Variants in GSDMD observed in about 807,000 individuals in gnomAD.
GSDMD encodes gasdermin-D.
A neutral mutation model predicts 46.7 loss-of-function variants in GSDMD; 46 were observed. That is an observed-to-expected ratio of 0.99 (90% CI 0.78 to 1.26). The LOEUF is 1.26. GSDMD is among the 50% of genes most tolerant of loss of function. GSDMD has a pLI of 0.00. For synonymous variants in GSDMD, 307 were observed against 283.1 expected, an observed-to-expected ratio of 1.08 and a Z score of -0.85; for missense variants, 649 against 638.8, an observed-to-expected ratio of 1.02 and a Z score of -0.17.
chr8:143,562,151 C>A lies in GSDMD; in HGVS notation c.996+20C>A. 6.3e-7 allele frequency: 1 copy of A among 1,597,300 alleles called. No individual in the cohort carries two copies. Among genetic ancestry groups the A allele is most frequent in the Non-Finnish European group, 8.5e-7 (1 of 1,179,036 alleles). On this transcript the variant is annotated intron_variant, in intron 8 of 10. Coordinates refer to ENST00000262580, the MANE Select transcript of GSDMD (RefSeq NM_024736.7). ...GAGGCGGTGAGCGGGGGAGGGTGCC[C>A]GGGGCACACAAGGCCTGCCCAGCCA...
At chr8:143,562,405 C>T (rs772911987) in intron 9 of GSDMD, 43 bp from the exon 10 acceptor site, 15 of 1,565,014 alleles carry the variant, frequency 9.6e-6, no homozygotes, top group African/African-American at 1.4e-5. Context: ...TGGGCTTTCC[C>T]GGTGGGCGTT....
At chr8:143,561,653 G>A in intron 6 of GSDMD, 89 bp from the exon 7 acceptor site, 1 of 1,163,144 alleles carries the variant, frequency 8.6e-7, no homozygotes, top group Non-Finnish European at 1.2e-6. Flanking sequence ...GAGCGGGGCT[G>A]TGACGGCCTG....
upstream of GSDMD, among the ~76,000 whole-genome samples, chr8:143,556,403 G>T (rs542630414): frequency 6.6e-6 from 1 of 152,266 alleles, no homozygotes; most frequent in South Asian, 2.1e-4. Context: ...AACTTTGCCA[G>T]GTGTGGTGCT....
intron 9 of GSDMD, 42 bp from the exon 10 acceptor site, chr8:143,562,406 G>T (rs373436630): frequency 1.9e-6 from 3 of 1,568,272 alleles, no homozygotes; most frequent in South Asian, 1.2e-5. Flanking sequence ...GGGCTTTCCC[G>T]GTGGGCGTTC....
rs1823395624 is a variant in GSDMD at position 143,559,454 on chromosome 8, T to A, written c.119T>A (p.Val40Glu). The A allele has an allele frequency of 6.2e-7, 1 of 1,612,756 alleles. No homozygotes were observed. Among genetic ancestry groups the A allele is most frequent in the Non-Finnish European group, 8.5e-7 (1 of 1,179,986 alleles). ...SSTGFQPYCL[V>E]VRKPSSSWFW... ...ACTGGCTTCCAGCCCTACTGCCTGGTGGTTAGGAAGCCCTCAAGCTCATGG... is the reference window on the plus strand; with the variant it reads ...ACTGGCTTCCAGCCCTACTGCCTGGAGGTTAGGAAGCCCTCAAGCTCATGG... Residue 40 changes from valine to glutamate, a missense_variant, in exon 2 of 11, where the codon GTG becomes GAG. Val to Glu is a moderately radical substitution (Grantham distance 121). Transcript: ENST00000262580.
upstream of GSDMD, chr8:143,558,209 G>A (rs1479463091): frequency 1.1e-5 from 11 of 1,036,196 alleles, no homozygotes; most frequent in East Asian, 1.5e-4. Context: ...AGGATGGGGC[G>A]CCAAGCCAAG....
At chr8:143,562,560 A>G (rs1248198570) in intron 10 of GSDMD, 39 bp downstream of exon 10, 1 of 1,600,274 alleles carries the variant, frequency 6.2e-7, no homozygotes, top group Admixed American at 1.7e-5. Context: ...GGATGGGCTG[A>G]GCCAGTGGAA....
At position 143,558,423 on chromosome 8, in the gene GSDMD, G is replaced by A. The variant is rs1466705519; in HGVS notation, c.-33G>A. On this transcript the variant is annotated 5_prime_UTR_variant, in exon 1 of 11. Transcript: ENST00000262580. The stretch of plus-strand genomic sequence containing the variant: ...CCCAGGGAGAGCAGACGCGCCAGAC[G>A]CGCCACCCTCGGGGCGCCGACGGTC... The A allele has an allele frequency of 2.7e-5, 41 of 1,506,420 alleles. No individual in the cohort carries two copies. The East Asian group carries it at 2.7e-4, about 10-fold the overall frequency. 93.3% of individuals were successfully genotyped at this position (1,506,420 alleles called of 1,614,324 possible).
At chr8:143,561,713 C>CGGGGA in intron 6 of GSDMD, 29 bp from the exon 7 acceptor site, 1 of 1,569,876 alleles carries the variant, frequency 6.4e-7, no homozygotes. Flanking sequence ...CGGCACTGAC[C>CGGGGA]AGCCCTGCCC....
rs375513977 is a variant in GSDMD at position 143,561,351 on chromosome 8, G to A, written c.683-19G>A. ...CTAGGTGACATGCCTGTCCCTGTCTGCTCCCGTCTGGCTGCCAGACGTCCT... is the reference window on the plus strand; with the variant it reads ...CTAGGTGACATGCCTGTCCCTGTCTACTCCCGTCTGGCTGCCAGACGTCCT... On this transcript the variant is annotated intron_variant, in intron 5 of 10. Coordinates refer to ENST00000262580, the MANE Select transcript of GSDMD (RefSeq NM_024736.7). The A allele has an allele frequency of 1.3e-6, 2 of 1,594,700 alleles. No individual in the cohort carries two copies. Among genetic ancestry groups the A allele is most frequent in the East Asian group, 4.5e-5 (2 of 44,450 alleles).
chr8:143,558,355 C>G lies in GSDMD; in HGVS notation c.-101C>G. 6.6e-7 allele frequency: 1 copy of G among 1,525,028 alleles called. No individual in the cohort carries two copies. Among genetic ancestry groups the G allele is most frequent in the African/African-American group, 1.4e-5 (1 of 71,840 alleles). 94.5% of individuals were successfully genotyped at this position (1,525,028 alleles called of 1,614,324 possible). On this transcript the variant is annotated 5_prime_UTR_variant, in exon 1 of 11. Coordinates refer to ENST00000262580, the MANE Select transcript of GSDMD (RefSeq NM_024736.7). ...GGCCCTGCGTCAGGTTGCAGTTTCA[C>G]TTTTAGCTCTGGGCACCTCCAGCTC...
chr8:143,557,406 C>CTGCCGCTGTGACGACAGA (rs1563902853), upstream of GSDMD, among the ~76,000 whole-genome samples: 62 of 107,670 alleles, frequency 5.8e-4, no homozygotes, highest in South Asian at 1.5e-3. Context: ...GTGACGACAG[C>CTGCCGCTGTGACGACAGA]TGCTGCCGCT....
intron 1 of GSDMD, chr8:143,559,025 A>T: frequency 2.2e-6 from 1 of 452,522 alleles, no homozygotes. Flanking sequence ...GTTTCCTCCC[A>T]GCCAGAGGCA....
upstream of GSDMD, among the ~76,000 whole-genome samples, chr8:143,556,790 C>G (rs1208482499): frequency 1.3e-5 from 2 of 152,236 alleles, no homozygotes; most frequent in African/African-American, 4.8e-5. Flanking sequence ...GGAGCCTGTG[C>G]CGAGACTAGG....
At chr8:143,555,885 C>A (rs996085563), upstream of GSDMD, 1 of 152,026 alleles carries the variant, frequency 6.6e-6, no homozygotes, top group African/African-American at 2.4e-5. Flanking sequence ...GCCTGGGCAA[C>A]ATAGTGAGAC....
At chr8:143,560,258 G>T in intron 3 of GSDMD, 1 of 687,080 alleles carries the variant, frequency 1.5e-6, no homozygotes. Context: ...GAACCAGCTT[G>T]CAGGAAGGAA....
Position 143,562,911 on chromosome 8 carries a change from C to T in GSDMD, c.*7C>T, listed in dbSNP as rs778511569. 30 of 1,611,720 alleles carry T rather than the reference C, an allele frequency of 1.9e-5. No homozygotes were observed. Among genetic ancestry groups the T allele is most frequent in the Non-Finnish European group, 2.5e-5 (30 of 1,179,934 alleles). On this transcript the variant is annotated 3_prime_UTR_variant, in exon 11 of 11. Coordinates refer to ENST00000262580, the MANE Select transcript of GSDMD (RefSeq NM_024736.7). ...GAGCCAGGAGCCCCACTAGCCTGTG[C>T]CCGGGCATGGCCTGGCAGCTCTCCA... is the stretch of plus-strand genomic sequence containing the variant.
upstream of GSDMD, among the ~76,000 whole-genome samples, chr8:143,555,550 G>A (rs1176132239): frequency 3.9e-5 from 6 of 152,196 alleles, no homozygotes; most frequent in Non-Finnish European, 7.4e-5. Flanking sequence ...TGGCCTTGCA[G>A]GGATGCTGTG....
chr8:143,554,686 C>T (rs879309070), upstream of GSDMD, among the ~76,000 whole-genome samples: 2 of 151,244 alleles, frequency 1.3e-5, no homozygotes, highest in Non-Finnish European at 2.9e-5. Flanking sequence ...ACGCTCAACA[C>T]GCACGTGCAA....
Sources: gnomAD v4.1 joint callset for allele counts (sites outside exome capture counted in the v4.1 genomes callset) on GRCh38, gnomAD v4.1.1 for gene constraint, MANE v1.5 for transcripts, NCBI Gene and HGNC (gene_info 2026-07-23, HGNC 2026-07-21) for gene names.